GSE1: variants seen among roughly 807,000 people sequenced by gnomAD.
GSE1 encodes genetic suppressor element 1.
GSE1 carries 32 observed loss-of-function variants against 112.6 expected under a neutral mutation model. The ratio of observed to expected loss-of-function variants is 0.28; its 90% CI spans 0.21 to 0.38. GSE1 has a LOEUF of 0.38. GSE1 is among the 10% of genes least tolerant of loss of function. GSE1 has a pLI of 1.00. For synonymous variants in GSE1, 1,115 were observed against 735.6 expected (o/e 1.52, Z -8.35); for missense variants, 2,348 against 1,699.2 (o/e 1.38, Z -6.71).
chr16:85,291,943 A>G (rs1257839160), intron 1 of GSE1, among the ~76,000 whole-genome samples: 1 of 152,160 alleles, frequency 6.6e-6, no homozygotes, highest in Non-Finnish European at 1.5e-5. Context: ...TTACATAGAA[A>G]TAAGGCAGCC....
At chr16:85,530,146 C>T (rs771627134) in intron 2 of GSE1, among the ~76,000 whole-genome samples, 9 of 152,230 alleles carry the variant, frequency 5.9e-5, no homozygotes, top group Admixed American at 2.6e-4. Context: ...CTGCCTCCTC[C>T]GGCCCCCGAT....
At chr16:85,358,076 G>A (rs529306103) in intron 2 of GSE1, among the ~76,000 whole-genome samples, 2 of 152,302 alleles carry the variant, frequency 1.3e-5, no homozygotes, top group South Asian at 2.1e-4. Flanking sequence ...GAACCAGGCT[G>A]CTCTGTGCGG....
intron 1 of GSE1, among the ~76,000 whole-genome samples, chr16:85,304,998 A>G (rs1423569358): frequency 6.6e-6 from 1 of 152,132 alleles, no homozygotes; most frequent in Non-Finnish European, 1.5e-5. Flanking sequence ...CCCGCCCAAC[A>G]CAAGCCCACA....
chr16:85,513,823 C>T (rs2051828070), intron 2 of GSE1, among the ~76,000 whole-genome samples: 1 of 152,122 alleles, frequency 6.6e-6, no homozygotes, highest in Admixed American at 6.5e-5. Context: ...GGGGGTCCCA[C>T]ATTCCTTCAA....
rs111560144 is a variant in GSE1, at chr16:85,383,441, G to A, written c.2464+25798G>A. ...ACAGCCTCTGTACATAGATACGCAC[G>A]CATTCACATGTACACACAGTCTGTC... is the stretch of plus-strand genomic sequence containing the variant. On this transcript the variant is annotated intron_variant, in intron 2 of 2. Transcript: ENST00000637419. Among the ~76,000 whole-genome samples, 687 of 150,288 alleles carry A rather than the reference G, an allele frequency of 4.6e-3. 8 individuals are homozygous for A. Among genetic ancestry groups the A allele is most frequent in the African/African-American group, 0.015 (627 of 40,786 alleles).
In GSE1 at chr16:85,618,812, G is replaced by A. The variant is rs143765248; in HGVS notation, c.7+5414G>A. Among the ~76,000 whole-genome samples the A allele has an allele frequency of 4.9e-3, 744 of 152,306 alleles. 8 individuals carry two copies. Among genetic ancestry groups the A allele is most frequent in the African/African-American group, 0.017 (697 of 41,552 alleles). ...AGTTGGAACCACTGATGCGTGCCGC[G>A]ACACCTGGCTAATTTTAAAGAAATT... On this transcript the variant is annotated intron_variant, in intron 1 of 15. Coordinates refer to ENST00000253458, the MANE Select transcript of GSE1 (RefSeq NM_014615.5).
At chr16:85,558,565 C>T (rs534862008) in intron 1 of GSE1, among the ~76,000 whole-genome samples, 1 of 151,850 alleles carries the variant, frequency 6.6e-6, no homozygotes, top group East Asian at 2.0e-4. Flanking sequence ...GAGTAAAGCC[C>T]CCAGTGGGTA....
intron 2 of GSE1, among the ~76,000 whole-genome samples, chr16:85,635,384 C>G (rs12918736): frequency 0.37 from 56,302 of 152,086 alleles, 11,172 homozygotes; most frequent in African/African-American, 0.48. Flanking sequence ...TGGCAGGGGA[C>G]TCCCTGGCCA....
chr16:85,175,593 C>T (rs976858587), intron 1 of GSE1, among the ~76,000 whole-genome samples: 3 of 152,186 alleles, frequency 2.0e-5, no homozygotes, highest in African/African-American at 7.2e-5. Flanking sequence ...GTGCTGCTGG[C>T]GCGACGCTGG....
At position 85,675,819 on chromosome 16, in the gene GSE1, C is replaced by G. The variant is rs2053645939; in HGVS notation, c.*3280C>G. Reference sequence around the variant, plus strand: ...GTGTATATTAGCCACTTAGCAATCTCTATATTCTTTCAAGTAACCAAGCTG... The same window carrying G: ...GTGTATATTAGCCACTTAGCAATCTGTATATTCTTTCAAGTAACCAAGCTG... On this transcript the variant is annotated 3_prime_UTR_variant, in exon 16 of 16. Coordinates refer to ENST00000253458, the MANE Select transcript of GSE1 (RefSeq NM_014615.5). 1 of 152,252 alleles carries G rather than the reference C, an allele frequency of 6.6e-6. No homozygotes were observed. Among genetic ancestry groups the G allele is most frequent in the South Asian group, 2.1e-4 (1 of 4,836 alleles). The allele number at this position is 152,252 out of a possible 1,614,324, so 9.4% of individuals were successfully genotyped here. A position where few individuals can be genotyped will look rare whatever the true frequency, so the allele number is the denominator to read the frequency against.
chr16:85,225,636 C>T (rs1421796409), intron 1 of GSE1, among the ~76,000 whole-genome samples: 1 of 152,202 alleles, frequency 6.6e-6, no homozygotes, highest in East Asian at 1.9e-4. Flanking sequence ...CACAAGGATA[C>T]ATTCATTCCC....
chr16:85,643,973 A>G (rs1567706909), intron 2 of GSE1, among the ~76,000 whole-genome samples: 1 of 151,944 alleles, frequency 6.6e-6, no homozygotes, highest in Non-Finnish European at 1.5e-5. Flanking sequence ...ACTCACAGCT[A>G]CTGGAATCTA....
Position 85,357,724 on chromosome 16 carries a change from G to A in GSE1, c.2464+81G>A, listed in dbSNP as rs945403115. On this transcript the variant is annotated intron_variant, in intron 2 of 2. Coordinates refer to the GSE1 transcript ENST00000637419. ...AGCAGGGATGGGGGCTCCCAGAGCC[G>A]AGTTCAGATACAGTTCCGCCTTGTG... is the stretch of plus-strand genomic sequence containing the variant. The A allele has an allele frequency of 8.8e-5, 81 of 923,308 alleles. 1 individual carries two copies. The South Asian group carries it at 9.3e-4, about 11-fold the overall frequency. 57.2% of individuals were successfully genotyped at this position (923,308 alleles called of 1,614,324 possible).
At chr16:85,509,190 T>A (rs1379236682) in intron 2 of GSE1, among the ~76,000 whole-genome samples, 1 of 151,956 alleles carries the variant, frequency 6.6e-6, no homozygotes, top group African/African-American at 2.4e-5. Context: ...CTGATGGGCG[T>A]GTGGGTATGT....
intron 3 of GSE1, among the ~76,000 whole-genome samples, chr16:85,649,491 G>C (rs765228575): frequency 6.6e-6 from 1 of 152,214 alleles, no homozygotes; most frequent in African/African-American, 2.4e-5. Flanking sequence ...CCCTCCCCAA[G>C]TTTTCGGGGC....
chr16:85,521,694 T>A (rs1163202157), intron 2 of GSE1, among the ~76,000 whole-genome samples: 1 of 152,200 alleles, frequency 6.6e-6, no homozygotes, highest in Non-Finnish European at 1.5e-5. Flanking sequence ...GGGGTTTCCA[T>A]CTCCCGCCTG....
Position 85,353,168 on chromosome 16 carries a change from G to A in GSE1, c.2284-4295G>A, listed in dbSNP as rs139251086. 8.5e-5 allele frequency among the ~76,000 whole-genome samples: 13 copies of A among 152,226 alleles called. No individual in the cohort carries two copies. The East Asian group carries it at 2.1e-3, about 25-fold the overall frequency. ...TGGAGGCTCAACCGTGGAGGAACCC[G>A]CCTCCACACTCACTTGGTTTGTTGG... On this transcript the variant is annotated intron_variant, in intron 1 of 2. Coordinates refer to the GSE1 transcript ENST00000637419.
At chr16:85,318,250 C>T (rs991965600) in intron 1 of GSE1, among the ~76,000 whole-genome samples, 8 of 152,178 alleles carry the variant, frequency 5.3e-5, no homozygotes, top group Non-Finnish European at 7.4e-5. Flanking sequence ...TCACTCTGAG[C>T]CCCGGTTTCC....
At chr16:85,621,583 C>G (rs1157207606) in intron 1 of GSE1, among the ~76,000 whole-genome samples, 2 of 152,156 alleles carry the variant, frequency 1.3e-5, no homozygotes, top group Non-Finnish European at 2.9e-5. Context: ...CACCTGGGCA[C>G]AGGGAGGACA....
Sources: gnomAD v4.1 joint callset for allele counts (sites outside exome capture counted in the v4.1 genomes callset) on GRCh38, gnomAD v4.1.1 for gene constraint, MANE v1.5 for transcripts, NCBI Gene and HGNC (gene_info 2026-07-23, HGNC 2026-07-21) for gene names.